LRRFIP1: variants seen among roughly 807,000 people sequenced by gnomAD.
LRRFIP1 encodes the protein LRR binding FLII interacting protein 1.
Under a neutral mutation model 104.4 loss-of-function variants are expected in LRRFIP1, and 62 were observed. The ratio of observed to expected loss-of-function variants is 0.59; its 90% CI spans 0.48 to 0.73. LRRFIP1 has a LOEUF of 0.73. LRRFIP1 is among the 30% of genes least tolerant of loss of function. LRRFIP1 has a pLI of 0.00. For synonymous variants in LRRFIP1, 300 were observed against 299.0 expected, an observed-to-expected ratio of 1.00 and a Z score of -0.03; for missense variants, 796 against 824.5, an observed-to-expected ratio of 0.97 and a Z score of 0.42.
chr2:237,669,263 C>T (rs769475723), intron 1 of LRRFIP1, among the ~76,000 whole-genome samples: 7 of 152,286 alleles, frequency 4.6e-5, no homozygotes, highest in South Asian at 2.1e-4. Context: ...CCTACAAACA[C>T]GGTTAAGGAC....
chr2:237,677,424 C>T (rs946830960), intron 1 of LRRFIP1, among the ~76,000 whole-genome samples: 3 of 152,152 alleles, frequency 2.0e-5, no homozygotes, highest in Admixed American at 2.0e-4. Flanking sequence ...CATTGTGTTT[C>T]TCCATTCAGC....
Position 237,717,457 on chromosome 2 carries a change from G to A in LRRFIP1, c.202-305G>A, listed in dbSNP as rs186525695. On this transcript the variant is annotated intron_variant, in intron 3 of 23. Transcript: ENST00000308482. The surrounding 1 kb of genome is among the most constrained non-coding windows in gnomAD (Gnocchi z 4.2). ...GAGGGGGCGTGAAGGCTGCTGGGCC[G>A]GCTTTACTGTCCTGCTCTCCCCCGA... is the stretch of plus-strand genomic sequence containing the variant. 3.3e-5 allele frequency among the ~76,000 whole-genome samples: 5 copies of A among 152,322 alleles called. No individual in the cohort carries two copies. The highest frequency in any genetic ancestry group is 3.9e-4 in the East Asian group (2 of 5,182).
At chr2:237,656,232 A>G (rs1364953730) in intron 1 of LRRFIP1, among the ~76,000 whole-genome samples, 1 of 152,204 alleles carries the variant, frequency 6.6e-6, no homozygotes. Context: ...TATGTATAGA[A>G]TTTCTCTTTG....
In LRRFIP1 at chr2:237,698,838, G is replaced by A. The variant is rs180835412; in HGVS notation, c.97-9706G>A. On this transcript the variant is annotated intron_variant, in intron 1 of 23. Transcript: ENST00000308482. The stretch of plus-strand genomic sequence containing the variant: ...AGATCCACACTGGAGTTCTGAAGCT[G>A]TGGTTCTCAACCCTGTCTTTTTACA... Among the ~76,000 whole-genome samples the A allele has an allele frequency of 1.2e-4, 18 of 152,346 alleles. No individual in the cohort carries two copies. The East Asian group carries it at 1.7e-3, about 15-fold the overall frequency.
At chr2:237,751,303 A>T in intron 14 of LRRFIP1, 32 bp downstream of exon 14, 2 of 1,506,414 alleles carry the variant, frequency 1.3e-6, no homozygotes, top group Non-Finnish European at 1.8e-6. Context: ...GTCTCACGAT[A>T]TTAACCCAAC....
chr2:237,702,072 A>G (rs1213801522), intron 1 of LRRFIP1, among the ~76,000 whole-genome samples: 1 of 152,092 alleles, frequency 6.6e-6, no homozygotes, highest in Non-Finnish European at 1.5e-5. Context: ...GCTGGCATTA[A>G]TGTGGCTGGG....
At chr2:237,665,757 G>A (rs1333601175) in intron 1 of LRRFIP1, among the ~76,000 whole-genome samples, 1 of 152,204 alleles carries the variant, frequency 6.6e-6, no homozygotes, top group Non-Finnish European at 1.5e-5. Context: ...GGTAGACAGT[G>A]CCACCTCCCT....
At chr2:237,681,717 T>C (rs2091855902) in intron 1 of LRRFIP1, among the ~76,000 whole-genome samples, 1 of 80,154 alleles carries the variant, frequency 1.2e-5, no homozygotes, top group African/African-American at 4.3e-5. Context: ...TCTCGCTCTG[T>C]CGCCCAGGCT....
At chr2:237,662,038 G>A (rs1352696871) in intron 1 of LRRFIP1, among the ~76,000 whole-genome samples, 4 of 152,150 alleles carry the variant, frequency 2.6e-5, no homozygotes, top group Admixed American at 6.5e-5. Flanking sequence ...TCACAGTTCC[G>A]GAGACCGGAA....
chr2:237,748,291 T>A (rs1367144018), intron 11 of LRRFIP1, 73 bp from the exon 12 acceptor site: 1 of 1,088,974 alleles, frequency 9.2e-7, no homozygotes, highest in African/African-American at 1.6e-5. Context: ...TGTTTATCAT[T>A]CATAGCCCCA....
chr2:237,698,529 T>C (rs967091877), intron 1 of LRRFIP1, among the ~76,000 whole-genome samples: 1 of 152,264 alleles, frequency 6.6e-6, no homozygotes, highest in East Asian at 1.9e-4. Context: ...CAGAGGACAG[T>C]GTGCTGGCTC....
intron 1 of LRRFIP1, among the ~76,000 whole-genome samples, chr2:237,669,187 T>G (rs1000299982): frequency 6.6e-6 from 1 of 152,198 alleles, no homozygotes; most frequent in Non-Finnish European, 1.5e-5. Flanking sequence ...TCTTTAAGAG[T>G]GAGGTTTTTC....
chr2:237,727,769 C>T lies in LRRFIP1; in HGVS notation c.385-107C>T, dbSNP rs374938544. 565 of 781,744 alleles carry T rather than the reference C, an allele frequency of 7.2e-4. 10 individuals carry two copies. The African/African-American group carries it at 8.5e-3, about 12-fold the overall frequency. The allele number at this position is 781,744 out of a possible 1,614,324, so 48.4% of individuals were successfully genotyped here. A position where few individuals can be genotyped will look rare whatever the true frequency, so the allele number is the denominator to read the frequency against. ...GTCCTGGACTGGTCATTCATCCGCT[C>T]CACAAGAAAGGTCACCTTATACCTG... On this transcript the variant is annotated intron_variant, in intron 7 of 23. Coordinates refer to ENST00000308482, the MANE Select transcript of LRRFIP1 (RefSeq NM_001137550.2).
intron 3 of LRRFIP1, among the ~76,000 whole-genome samples, chr2:237,715,045 G>C (rs1166320270): frequency 6.6e-6 from 1 of 152,084 alleles, no homozygotes; most frequent in Non-Finnish European, 1.5e-5. Context: ...TTTTCTCTTA[G>C]AGCAGATGAG....
At chr2:237,688,810 C>A (rs1575490736) in intron 1 of LRRFIP1, among the ~76,000 whole-genome samples, 1 of 151,976 alleles carries the variant, frequency 6.6e-6, no homozygotes, top group Admixed American at 6.6e-5. Flanking sequence ...TCAGACCTTT[C>A]CAAGGTGCCC....
chr2:237,684,478 A>T (rs2092165672), intron 1 of LRRFIP1: 1 of 152,248 alleles, frequency 6.6e-6, no homozygotes, highest in Non-Finnish European at 1.5e-5. Flanking sequence ...TATCTCAAAA[A>T]AAACAAATTG....
chr2:237,771,561 C>CA (rs1315154957), intron 20 of LRRFIP1, among the ~76,000 whole-genome samples: 3 of 97,606 alleles, frequency 3.1e-5, no homozygotes, highest in Non-Finnish European at 6.6e-5. Flanking sequence ...TCCCCCCCCC[C>CA]CCCCGCCCAG....
chr2:237,770,857 T>C (rs2060556878), intron 20 of LRRFIP1: 1 of 152,226 alleles, frequency 6.6e-6, no homozygotes, highest in African/African-American at 2.4e-5. Flanking sequence ...AGTGATTAAA[T>C]CACTCTACAA....
At chr2:237,638,062 G>A (rs1247293747) in intron 1 of LRRFIP1, among the ~76,000 whole-genome samples, 1 of 152,088 alleles carries the variant, frequency 6.6e-6, no homozygotes, top group African/African-American at 2.4e-5. Flanking sequence ...GTGTGGGGAT[G>A]GTTTTGAGAT....
Sources: allele counts gnomAD v4.1 joint callset (sites outside exome capture counted in the v4.1 genomes callset), GRCh38; gene constraint gnomAD v4.1.1; non-coding constraint Gnocchi (gnomAD v3.1); transcripts MANE v1.5; gene names NCBI Gene and HGNC (gene_info 2026-07-23, HGNC 2026-07-21).